Variants in PCDH9 observed in about 807,000 individuals in gnomAD.
The protein encoded by PCDH9 is protocadherin-9.
Under a neutral mutation model 70.6 loss-of-function variants are expected in PCDH9, and 24 were observed. The observed-to-expected ratio is 0.34, with a 90% CI of 0.25 to 0.48. The LOEUF (loss-of-function observed/expected upper bound fraction) is 0.48, where lower values mean the gene tolerates loss of function less well. Among genes scored for constraint, PCDH9 ranks in the 20% least tolerant of loss-of-function variants. The probability of loss-of-function intolerance (pLI) is 0.99; values close to 1 mark genes in which losing one functional copy is unlikely to be tolerated. For missense variants in PCDH9, 1,281 were observed against 1,503.6 expected (o/e 0.85, Z 2.45); for synonymous variants, 562 against 558.5 (o/e 1.01, Z -0.09).
At chr13:67,186,038 G>A (rs2088751130) in intron 2 of PCDH9, among the ~76,000 whole-genome samples, 1 of 151,996 alleles carries the variant, frequency 6.6e-6, no homozygotes, top group South Asian at 2.1e-4. Context: ...GACCCTGCAA[G>A]CATCTTTAAT....
At chr13:66,341,635 T>C (rs988958229) in intron 4 of PCDH9, among the ~76,000 whole-genome samples, 1 of 152,196 alleles carries the variant, frequency 6.6e-6, no homozygotes, top group Non-Finnish European at 1.5e-5. Flanking sequence ...CTGTTGGTTT[T>C]TCTGCTGTGC....
rs552101361 is a variant in PCDH9 at position 66,397,511 on chromosome 13, A to G, written c.3341-92483T>C. 6.6e-5 allele frequency among the ~76,000 whole-genome samples: 10 copies of G among 150,900 alleles called. No homozygotes were observed. The East Asian group carries it at 2.0e-3, about 30-fold the overall frequency. ...ATATATGTATACACACACAAAATGTATGTCGATATATATGTATATATACAC... is the reference window on the plus strand; with the variant it reads ...ATATATGTATACACACACAAAATGTGTGTCGATATATATGTATATATACAC... On this transcript the variant is annotated intron_variant, in intron 4 of 4. Coordinates refer to ENST00000377865, the MANE Select transcript of PCDH9 (RefSeq NM_203487.3).
At chr13:67,109,168 A>C (rs971187290) in intron 2 of PCDH9, among the ~76,000 whole-genome samples, 6 of 152,210 alleles carry the variant, frequency 3.9e-5, no homozygotes, top group Non-Finnish European at 5.9e-5. Context: ...CATGTATCAT[A>C]AGGAAAAAAT....
intron 2 of PCDH9, among the ~76,000 whole-genome samples, chr13:67,043,302 C>G (rs1020975757): frequency 5.9e-5 from 9 of 151,948 alleles, no homozygotes; most frequent in African/African-American, 2.2e-4. Flanking sequence ...TGTAACAATC[C>G]ATGTAAAGAG....
At chr13:66,987,982 A>T (rs1566343972) in intron 2 of PCDH9, among the ~76,000 whole-genome samples, 1 of 151,820 alleles carries the variant, frequency 6.6e-6, no homozygotes, top group Admixed American at 6.6e-5. Flanking sequence ...TATTGGGCTC[A>T]ATAAGTTCTT....
At chr13:66,305,467 A>G (rs1178733375) in intron 4 of PCDH9, among the ~76,000 whole-genome samples, 1 of 152,068 alleles carries the variant, frequency 6.6e-6, no homozygotes, top group East Asian at 1.9e-4. Flanking sequence ...TATAAATAAT[A>G]CAACTCCACT....
chr13:67,209,952 A>G (rs2089435826), intron 2 of PCDH9: 2 of 152,098 alleles, frequency 1.3e-5, no homozygotes, highest in African/African-American at 2.4e-5. Flanking sequence ...GCACCATTTG[A>G]TTAAATTTGC....
chr13:67,185,719 T>C (rs1006100144), intron 2 of PCDH9, among the ~76,000 whole-genome samples: 5 of 152,204 alleles, frequency 3.3e-5, no homozygotes, highest in African/African-American at 1.2e-4. Flanking sequence ...GTTAAACGTA[T>C]GGAAGATTTC....
At chr13:66,821,162 T>A (rs1002295135) in intron 3 of PCDH9, among the ~76,000 whole-genome samples, 2 of 152,192 alleles carry the variant, frequency 1.3e-5, no homozygotes, top group African/African-American at 4.8e-5. Flanking sequence ...ATTATACAGT[T>A]ATAAGTTAAA....
chr13:67,176,402 T>C (rs1396515400), intron 2 of PCDH9, among the ~76,000 whole-genome samples: 1 of 152,106 alleles, frequency 6.6e-6, no homozygotes, highest in African/African-American at 2.4e-5. Context: ...ACTCTCTTCA[T>C]TTATCTCCTC....
At chr13:66,380,962 G>T (rs530879522) in intron 4 of PCDH9, among the ~76,000 whole-genome samples, 4 of 152,096 alleles carry the variant, frequency 2.6e-5, no homozygotes, top group African/African-American at 9.7e-5. Flanking sequence ...AGTAATACGC[G>T]TGTCAACTTT....
At chr13:67,016,612 T>C (rs2084566848) in intron 2 of PCDH9, among the ~76,000 whole-genome samples, 1 of 152,176 alleles carries the variant, frequency 6.6e-6, no homozygotes, top group Non-Finnish European at 1.5e-5. Context: ...TTCTTGAAAA[T>C]GAGTTTTGGT....
rs1555297704 is a variant in PCDH9, at chr13:67,018,616, C to CAA, written c.3037-115013_3037-115012dup. On this transcript the variant is annotated intron_variant, in intron 2 of 4. Coordinates refer to ENST00000377865, the MANE Select transcript of PCDH9 (RefSeq NM_203487.3). ...CCTGGCAACAGAGCGAGACTCGTCTCAAAAAAAAAAAAAAAAGGAAAAAAA... is the reference window on the plus strand; with the variant it reads ...CCTGGCAACAGAGCGAGACTCGTCTCAAAAAAAAAAAAAAAAAAGGAAAAAAA... Among the ~76,000 whole-genome samples the CAA allele has an allele frequency of 2.4e-3, 180 of 76,562 alleles. 3 individuals are homozygous for CAA. The highest frequency in any genetic ancestry group is 7.5e-3 in the Middle Eastern group (1 of 134). The allele number at this position is 76,562 out of a possible 152,430, so 50.2% of individuals were successfully genotyped here. A position where few individuals can be genotyped will look rare whatever the true frequency, so the allele number is the denominator to read the frequency against.
chr13:67,041,848 G>T (rs1473878970), intron 2 of PCDH9, among the ~76,000 whole-genome samples: 1 of 135,614 alleles, frequency 7.4e-6, no homozygotes, highest in East Asian at 2.2e-4. Flanking sequence ...AAAAAAAAAA[G>T]AAAAAAGAAA....
At chr13:67,188,499 T>A (rs1041696078) in intron 2 of PCDH9, among the ~76,000 whole-genome samples, 4 of 152,152 alleles carry the variant, frequency 2.6e-5, no homozygotes, top group African/African-American at 9.7e-5. Flanking sequence ...GTATTAACAC[T>A]AATTCTATTT....
At chr13:66,437,353 C>A (rs549219419) in intron 4 of PCDH9, among the ~76,000 whole-genome samples, 1 of 130,634 alleles carries the variant, frequency 7.7e-6, no homozygotes, top group Non-Finnish European at 1.6e-5. Flanking sequence ...TTGCGTGAGC[C>A]GAGATCGCTC....
At chr13:67,059,385 G>T (rs1026859261) in intron 2 of PCDH9, among the ~76,000 whole-genome samples, 1 of 133,668 alleles carries the variant, frequency 7.5e-6, no homozygotes. Flanking sequence ...TATATATATA[G>T]TATATAGTAT....
At chr13:66,610,659 C>T (rs2077282996) in intron 4 of PCDH9, among the ~76,000 whole-genome samples, 1 of 152,170 alleles carries the variant, frequency 6.6e-6, no homozygotes, top group Non-Finnish European at 1.5e-5. Context: ...GGAGAGATTA[C>T]TGAAGAGTTA....
intron 2 of PCDH9, among the ~76,000 whole-genome samples, chr13:67,084,797 T>C (rs1001997873): frequency 6.6e-6 from 1 of 150,538 alleles, no homozygotes; most frequent in Non-Finnish European, 1.5e-5. Flanking sequence ...TGAAACCCCG[T>C]CTCTATTAAA....
Sources: allele counts gnomAD v4.1 joint callset (sites outside exome capture counted in the v4.1 genomes callset), GRCh38; gene constraint gnomAD v4.1.1; transcripts MANE v1.5; gene names NCBI Gene and HGNC (gene_info 2026-07-23, HGNC 2026-07-21).